Variants in EHBP1 observed in about 807,000 individuals in gnomAD.
EHBP1 encodes EH domain binding protein 1, also known as EH domain-binding protein 1.
A neutral mutation model predicts 144.0 loss-of-function variants in EHBP1; 55 were observed. The observed-to-expected ratio is 0.38, with a 90% CI of 0.31 to 0.48. The LOEUF (loss-of-function observed/expected upper bound fraction) is 0.48. Ranked by LOEUF, EHBP1 falls within the 20% of genes least tolerant of loss-of-function variation. The probability of loss-of-function intolerance (pLI) is 0.98; values close to 1 mark genes in which losing one functional copy is unlikely to be tolerated. For missense variants in EHBP1, 1,200 were observed against 1,364.2 expected (o/e 0.88, Z 1.90); for synonymous variants, 469 against 472.7 (o/e 0.99, Z 0.10).
chr2:62,969,570 A>C (rs983334060), intron 14 of EHBP1, among the ~76,000 whole-genome samples: 1 of 152,180 alleles, frequency 6.6e-6, no homozygotes, highest in Non-Finnish European at 1.5e-5. Flanking sequence ...TATATTAAAA[A>C]CTATCTCAAA....
intron 3 of EHBP1, among the ~76,000 whole-genome samples, chr2:62,762,481 C>CA (rs1454272378): frequency 1.3e-5 from 2 of 152,196 alleles, no homozygotes; most frequent in Non-Finnish European, 2.9e-5. Flanking sequence ...AGAGGCAACT[C>CA]ATATTTAATG....
chr2:62,674,015 A>C, exon 1 of EHBP1: 1 of 471,128 alleles, frequency 2.1e-6, no homozygotes, highest in Non-Finnish European at 4.4e-6. Flanking sequence ...AGAATCAGAA[A>C]AGGTGACTGT....
chr2:62,816,684 T>C (rs2045474856), intron 5 of EHBP1, among the ~76,000 whole-genome samples: 1 of 152,212 alleles, frequency 6.6e-6, no homozygotes, highest in Non-Finnish European at 1.5e-5. Flanking sequence ...TATGGAGTTG[T>C]CATGGATTTA....
intron 1 of EHBP1, among the ~76,000 whole-genome samples, chr2:62,681,250 G>T (rs2033503511): frequency 6.7e-6 from 1 of 148,172 alleles, no homozygotes; most frequent in Non-Finnish European, 1.5e-5. Flanking sequence ...AGGTTGCAGT[G>T]TGCTGAGATC....
At chr2:62,996,398 G>A (rs1248523068) in intron 18 of EHBP1, among the ~76,000 whole-genome samples, 2 of 151,950 alleles carry the variant, frequency 1.3e-5, no homozygotes, top group African/African-American at 4.8e-5. Context: ...TTAAAATCTG[G>A]CAAATCTGCC....
At chr2:62,748,585 A>G (rs770919564) in intron 3 of EHBP1, among the ~76,000 whole-genome samples, 1 of 152,074 alleles carries the variant, frequency 6.6e-6, no homozygotes, top group Non-Finnish European at 1.5e-5. Context: ...GCTTGAGCCC[A>G]GGAGTTTGAA....
intron 21 of EHBP1, among the ~76,000 whole-genome samples, chr2:63,042,159 C>T (rs552286793): frequency 1.5e-4 from 23 of 152,186 alleles, no homozygotes; most frequent in African/African-American, 5.5e-4. Flanking sequence ...TCAGAACCCA[C>T]ATTGTAGTTT....
intron 5 of EHBP1, among the ~76,000 whole-genome samples, chr2:62,792,386 G>A (rs2043219203): frequency 2.6e-5 from 4 of 151,960 alleles, no homozygotes; most frequent in Admixed American, 1.3e-4. Context: ...TAGGCAGTGA[G>A]CCCAGAGTCA....
chr2:62,978,025 T>G (rs2058792599), intron 14 of EHBP1, among the ~76,000 whole-genome samples: 1 of 152,016 alleles, frequency 6.6e-6, no homozygotes, highest in Non-Finnish European at 1.5e-5. Flanking sequence ...TCTGTATGAA[T>G]AGATGTGAAG....
chr2:62,942,955 A>T (rs532198050), intron 11 of EHBP1, 59 bp downstream of exon 11: 2 of 1,252,648 alleles, frequency 1.6e-6, no homozygotes, highest in South Asian at 3.9e-5. Flanking sequence ...TTTTGAAAAG[A>T]ACATAAAATA....
rs540184422 is a variant in EHBP1 at position 62,878,902 on chromosome 2, C to T, written c.1185+4370C>T. 9.9e-5 allele frequency among the ~76,000 whole-genome samples: 15 copies of T among 151,626 alleles called. No homozygotes were observed. The South Asian group carries it at 3.1e-3, about 32-fold the overall frequency. On this transcript the variant is annotated intron_variant, in intron 10 of 22. Transcript: ENST00000431489. ...GTGTGGTGGTGGGCGCCTGTAGTCC[C>T]AGCTACTTGGGAGGCTGAGGCAAGA... is the stretch of plus-strand genomic sequence containing the variant.
chr2:62,798,877 G>A (rs938879871), intron 5 of EHBP1, among the ~76,000 whole-genome samples: 8 of 151,856 alleles, frequency 5.3e-5, no homozygotes, highest in Admixed American at 3.3e-4. Flanking sequence ...GGTGGCGGGC[G>A]CCTGTAGTCC....
chr2:62,984,017 T>C (rs983588867), intron 15 of EHBP1, among the ~76,000 whole-genome samples: 1 of 152,226 alleles, frequency 6.6e-6, no homozygotes, highest in Non-Finnish European at 1.5e-5. Flanking sequence ...ATTTTTATTT[T>C]TAGCTTCTAT....
At chr2:62,864,049 G>A (rs1272307350) in intron 8 of EHBP1, among the ~76,000 whole-genome samples, 2 of 151,898 alleles carry the variant, frequency 1.3e-5, no homozygotes, top group African/African-American at 4.8e-5. Context: ...GTTTCACCAT[G>A]TTGGCCAGGC....
chr2:62,884,851 A>G (rs2051788282), intron 10 of EHBP1, among the ~76,000 whole-genome samples: 1 of 152,218 alleles, frequency 6.6e-6, no homozygotes, highest in South Asian at 2.1e-4. Context: ...GGGTCTTACT[A>G]CATTTAGTAT....
intron 12 of EHBP1, among the ~76,000 whole-genome samples, chr2:62,946,003 T>C (rs1291907806): frequency 6.6e-6 from 1 of 152,222 alleles, no homozygotes; most frequent in Non-Finnish European, 1.5e-5. Flanking sequence ...TTCTTTTTCA[T>C]TAATTACAAT....
intron 19 of EHBP1, among the ~76,000 whole-genome samples, chr2:63,031,518 A>G (rs1276355944): frequency 6.6e-6 from 1 of 152,240 alleles, no homozygotes; most frequent in Non-Finnish European, 1.5e-5. Flanking sequence ...TCAAATGCTC[A>G]TCTGTAGATT....
intron 5 of EHBP1, among the ~76,000 whole-genome samples, chr2:62,791,927 C>A (rs1183375245): frequency 6.6e-6 from 1 of 151,770 alleles, no homozygotes; most frequent in African/African-American, 2.4e-5. Flanking sequence ...CCATCCTGGC[C>A]AAAAAATAAC....
intron 7 of EHBP1, among the ~76,000 whole-genome samples, chr2:62,856,676 A>G (rs79437775): frequency 6.6e-6 from 1 of 152,250 alleles, no homozygotes; most frequent in Admixed American, 6.5e-5. Flanking sequence ...AGAGGTTTCC[A>G]GCCAGAAAAG....
Sources: gnomAD v4.1 joint callset for allele counts (sites outside exome capture counted in the v4.1 genomes callset) on GRCh38, gnomAD v4.1.1 for gene constraint, MANE v1.5 for transcripts, NCBI Gene and HGNC (gene_info 2026-07-23, HGNC 2026-07-21) for gene names.